GTPBP1: variants seen among roughly 807,000 people sequenced by gnomAD.
GTPBP1 encodes GTP binding protein 1.
GTPBP1 carries 23 observed loss-of-function variants against 62.0 expected under a neutral mutation model. That is an observed-to-expected ratio of 0.37 (90% CI 0.27 to 0.53). The LOEUF (loss-of-function observed/expected upper bound fraction) is 0.53, where lower values mean the gene tolerates loss of function less well. Ranked by LOEUF, GTPBP1 falls within the 20% of genes least tolerant of loss-of-function variation. The pLI, the probability that GTPBP1 is intolerant of heterozygous loss-of-function variation, is 0.89. For missense variants in GTPBP1, 640 were observed against 917.3 expected (o/e 0.70, Z 3.90); for synonymous variants, 344 against 364.4 (o/e 0.94, Z 0.64).
rs771584813 is a variant in GTPBP1 at position 38,716,992 on chromosome 22, A to G, written c.826A>G (p.Met276Val). The part of the protein sequence containing the change: ...GMTGHLPDFC[M>V]LMVGSNAGIV... ...GACAGGCCATCTGCCTGACTTCTGC[A>G]TGCTCATGGTGAGTGGGAGGCGCCC... The change falls in exon 4 of 12, where the codon ATG (methionine) becomes GTG (valine). Residue 276 changes from methionine (M) to valine (V), a missense_variant. Transcript: ENST00000216044. This position sits in a 1 kb window ranked among gnomAD's most constrained non-coding sequence, Gnocchi z 5.2. The G allele has an allele frequency of 5.0e-6, 8 of 1,606,332 alleles. No homozygotes were observed. In the South Asian group the frequency reaches 8.8e-5, roughly 18 times the overall value.
downstream of GTPBP1, chr22:38,740,219 CAAAG>C: frequency 2.0e-6 from 3 of 1,492,294 alleles, no homozygotes; most frequent in Non-Finnish European, 2.7e-6. The surrounding 1 kb of genome is among the most constrained non-coding windows in gnomAD (Gnocchi z 4.8). Flanking sequence ...CACGTCGTCT[CAAAG>C]GAGGAGGAGA....
At chr22:38,741,715 A>T, downstream of GTPBP1, 1 of 705,872 alleles carries the variant, frequency 1.4e-6, no homozygotes, top group Admixed American at 2.2e-5. Context: ...ACCACGCAAG[A>T]CTCCCGCTTC....
chr22:38,742,637 A>G (rs2092869507), downstream of GTPBP1: 2 of 1,489,922 alleles, frequency 1.3e-6, no homozygotes, highest in Admixed American at 4.1e-5. Flanking sequence ...CACAGCCAAC[A>G]CAGAAAGAAA....
chr22:38,727,430 A>T lies in GTPBP1; in HGVS notation c.1537+82A>T. On this transcript the variant is annotated intron_variant, in intron 9 of 11. Transcript: ENST00000216044. This position sits in a 1 kb window ranked among gnomAD's most constrained non-coding sequence, Gnocchi z 6.5. ...GGTGTTCCAGCAACCCAGGCCCCCTAGTTCCAGCTGCAGCTGGGTGGTAGG... is the reference window on the plus strand; with the variant it reads ...GGTGTTCCAGCAACCCAGGCCCCCTTGTTCCAGCTGCAGCTGGGTGGTAGG... 2.2e-6 allele frequency: 3 copies of T among 1,351,112 alleles called. No homozygotes were observed. Among genetic ancestry groups the T allele is most frequent in the Non-Finnish European group, 3.0e-6 (3 of 1,004,152 alleles). The allele number at this position is 1,351,112 out of a possible 1,614,324, so 83.7% of individuals were successfully genotyped here.
intron 4 of GTPBP1, among the ~76,000 whole-genome samples, chr22:38,719,410 G>A (rs2092687791): frequency 6.6e-6 from 1 of 152,000 alleles, no homozygotes; most frequent in African/African-American, 2.4e-5. Flanking sequence ...TGGGCTCAAG[G>A]GATCCTCCCA....
At chr22:38,742,334 C>T, downstream of GTPBP1, 2 of 1,606,638 alleles carry the variant, frequency 1.2e-6, no homozygotes, top group Admixed American at 1.7e-5. Flanking sequence ...TGCGGAAATC[C>T]TCCTTCAGGG....
downstream of GTPBP1, chr22:38,739,248 G>T: frequency 2.2e-6 from 3 of 1,376,756 alleles, no homozygotes; most frequent in East Asian, 2.3e-5. This position sits in a 1 kb window ranked among gnomAD's most constrained non-coding sequence, Gnocchi z 6.7. Flanking sequence ...CCTGAGCTTT[G>T]CTTGCTCTGC....
downstream of GTPBP1, chr22:38,742,309 G>C: frequency 1.2e-6 from 2 of 1,601,350 alleles, no homozygotes; most frequent in East Asian, 2.2e-5. Flanking sequence ...ACCTGGATGC[G>C]AGCAGCAGTT....
At chr22:38,711,104 C>G (rs1384280746) in intron 2 of GTPBP1, among the ~76,000 whole-genome samples, 1 of 152,192 alleles carries the variant, frequency 6.6e-6, no homozygotes, top group Non-Finnish European at 1.5e-5. Context: ...AACCCAGATA[C>G]ACGGCCCCAA....
downstream of GTPBP1, chr22:38,739,886 G>A (rs763851940): frequency 6.2e-6 from 10 of 1,613,064 alleles, no homozygotes; most frequent in South Asian, 2.2e-5. The surrounding 1 kb of genome is among the most constrained non-coding windows in gnomAD (Gnocchi z 6.7). Context: ...AGCCCCACGC[G>A]GCCCCCTCCA....
chr22:38,718,733 T>C (rs1225487633), intron 4 of GTPBP1, among the ~76,000 whole-genome samples: 1 of 152,204 alleles, frequency 6.6e-6, no homozygotes. Context: ...TCTTTCAAAT[T>C]TTCTTCTGGT....
intron 6 of GTPBP1, 181 bp from the exon 7 acceptor site, chr22:38,725,825 A>C: frequency 4.8e-6 from 3 of 629,460 alleles, no homozygotes; most frequent in Non-Finnish European, 8.5e-6. Flanking sequence ...AGGGCTGGCC[A>C]GGAGCTTGCT....
In GTPBP1 at chr22:38,711,909, T is replaced by A. The variant is rs1347135418; in HGVS notation, c.304+2953T>A. On this transcript the variant is annotated intron_variant, in intron 2 of 11. Coordinates refer to ENST00000216044, the MANE Select transcript of GTPBP1 (RefSeq NM_004286.5). Reference sequence around the variant, plus strand: ...ATTATTATTATTTTTGAGACAGAGTTTCTGTCTGTCATCCAGGCTGGAGTG... The same window carrying A: ...ATTATTATTATTTTTGAGACAGAGTATCTGTCTGTCATCCAGGCTGGAGTG... Among the ~76,000 whole-genome samples, 5 of 152,048 alleles carry A rather than the reference T, an allele frequency of 3.3e-5. No individual in the cohort carries two copies. In the East Asian group the frequency reaches 7.7e-4, roughly 23 times the overall value.
intron 2 of GTPBP1, among the ~76,000 whole-genome samples, chr22:38,715,490 C>T (rs952774808): frequency 7.9e-5 from 12 of 152,272 alleles, no homozygotes; most frequent in African/African-American, 2.9e-4. Context: ...CAGAACTGTC[C>T]TCGGCTTCCC....
chr22:38,742,215 G>A (rs1348060714), downstream of GTPBP1: 4 of 1,468,952 alleles, frequency 2.7e-6, no homozygotes, highest in Non-Finnish European at 3.6e-6. Context: ...GATCCCAAAT[G>A]ACACTTGTTC....
At chr22:38,740,918 C>A (rs1010716932), downstream of GTPBP1, 37 of 1,378,460 alleles carry the variant, frequency 2.7e-5, no homozygotes, top group Non-Finnish European at 3.5e-5. The surrounding 1 kb of genome is among the most constrained non-coding windows in gnomAD (Gnocchi z 4.8). Context: ...TCAGAACTCT[C>A]TGCTCTGCGG....
rs1487024804 is a variant in GTPBP1 at position 38,725,929 on chromosome 22, C to T, written c.1074-77C>T. ...CTGCTCCTCGAGCCCTGTTGCTGCC[C>T]CTGGTCTGTGTCAGGGCAGGACCTG... On this transcript the variant is annotated intron_variant, in intron 6 of 11. Coordinates refer to ENST00000216044, the MANE Select transcript of GTPBP1 (RefSeq NM_004286.5). 4.3e-6 allele frequency: 6 copies of T among 1,399,810 alleles called. No homozygotes were observed. The African/African-American group carries it at 8.5e-5, about 20-fold the overall frequency. 86.7% of individuals were successfully genotyped at this position (1,399,810 alleles called of 1,614,324 possible).
chr22:38,740,200 GC>G, downstream of GTPBP1: 1 of 1,454,266 alleles, frequency 6.9e-7, no homozygotes, highest in Non-Finnish European at 9.1e-7. This position sits in a 1 kb window ranked among gnomAD's most constrained non-coding sequence, Gnocchi z 4.8. Context: ...TGCTTTGCAG[GC>G]CCCAGGACAC....
downstream of GTPBP1, chr22:38,740,125 C>T: frequency 7.9e-7 from 1 of 1,266,408 alleles, no homozygotes; most frequent in Non-Finnish European, 1.1e-6. This position sits in a 1 kb window ranked among gnomAD's most constrained non-coding sequence, Gnocchi z 4.8. Flanking sequence ...AGTGAGAGCC[C>T]ACATGTGTCA....
Sources: allele counts gnomAD v4.1 joint callset (sites outside exome capture counted in the v4.1 genomes callset), GRCh38; gene constraint gnomAD v4.1.1; non-coding constraint Gnocchi (gnomAD v3.1); transcripts MANE v1.5; gene names NCBI Gene and HGNC (gene_info 2026-07-23, HGNC 2026-07-21).